Variants in CCDC7 observed in about 807,000 individuals in gnomAD.
CCDC7 encodes the protein coiled-coil domain containing 7, also known as coiled-coil domain-containing protein 7.
In CCDC7, 183 loss-of-function variants were observed where a neutral mutation model predicts 196.9. The observed-to-expected ratio is 0.93, with a 90% CI of 0.82 to 1.05. The LOEUF is 1.05. Ranked by LOEUF, CCDC7 falls within the 50% of genes least tolerant of loss-of-function variation. The pLI, the probability that CCDC7 is intolerant of heterozygous loss-of-function variation, is 0.00. For synonymous variants in CCDC7, 525 were observed against 484.6 expected (o/e 1.08, Z -1.10); for missense variants, 1,540 against 1,482.2 (o/e 1.04, Z -0.64).
exon 12 of CCDC7, chr10:32,543,315 A>G: frequency 6.9e-7 from 1 of 1,452,970 alleles, no homozygotes; most frequent in Non-Finnish European, 9.2e-7. Context: ...TAAGCCTACA[A>G]ATAATCGAAC....
At chr10:32,475,298 C>T (rs778171738) in intron 8 of CCDC7, among the ~76,000 whole-genome samples, 9 of 152,208 alleles carry the variant, frequency 5.9e-5, no homozygotes, top group African/African-American at 1.9e-4. Context: ...CTGGGGTCAT[C>T]ACAGGGCCTT....
At chr10:32,694,894 C>A (rs1304706902) in exon 24 of CCDC7, 2 of 1,592,090 alleles carry the variant, frequency 1.3e-6, no homozygotes, top group Admixed American at 1.7e-5. Flanking sequence ...GATGAAGAAC[C>A]AGGCAAAAAT....
intron 5 of CCDC7, among the ~76,000 whole-genome samples, chr10:32,463,329 C>T (rs1320247004): frequency 3.3e-5 from 5 of 151,868 alleles, no homozygotes; most frequent in African/African-American, 1.2e-4. Flanking sequence ...TTATTTTTTC[C>T]AATTTACATA....
In CCDC7 at chr10:32,664,174, ATT is replaced by A. The variant is rs1565029099; in HGVS notation, c.2122+14_2122+15del. 1 of 394,924 alleles carries A rather than the reference ATT, an allele frequency of 2.5e-6. No individual in the cohort carries two copies. Among genetic ancestry groups the A allele is most frequent in the Non-Finnish European group, 4.5e-6 (1 of 223,330 alleles). The allele number at this position is 394,924 out of a possible 1,614,324, so 24.5% of individuals were successfully genotyped here. On this transcript the variant is annotated intron_variant, in intron 21 of 41. Coordinates refer to ENST00000639629, the Ensembl canonical transcript of CCDC7. ...AATCAACTCAGTAGTAAGTGTAATA[ATT>A]GTAGATAACCTTAAAATAATTTAAG...
intron 8 of CCDC7, among the ~76,000 whole-genome samples, chr10:32,480,776 G>A (rs2039825734): frequency 6.6e-6 from 1 of 152,122 alleles, no homozygotes; most frequent in African/African-American, 2.4e-5. Context: ...CACAAGATCT[G>A]TCCTTTAGAA....
chr10:32,710,131 A>G (rs2080576841), intron 24 of CCDC7, among the ~76,000 whole-genome samples: 1 of 152,120 alleles, frequency 6.6e-6, no homozygotes. Flanking sequence ...ACTCTAAAGG[A>G]GGGGTTTTAT....
chr10:32,709,057 G>T (rs749556165), intron 24 of CCDC7, among the ~76,000 whole-genome samples: 1 of 152,112 alleles, frequency 6.6e-6, no homozygotes, highest in South Asian at 2.1e-4. Context: ...CAGTAGCAAA[G>T]CTTGGAACCA....
chr10:32,511,544 A>G (rs2046208286), intron 9 of CCDC7: 4 of 1,607,996 alleles, frequency 2.5e-6, no homozygotes, highest in Non-Finnish European at 8.5e-7. Flanking sequence ...AACCCAAAAC[A>G]TTGAATTTAA....
intron 9 of CCDC7, among the ~76,000 whole-genome samples, chr10:32,497,591 G>T (rs1033474195): frequency 6.6e-6 from 1 of 152,150 alleles, no homozygotes; most frequent in Non-Finnish European, 1.5e-5. Context: ...GGTACATTGT[G>T]TCTTTATTCT....
intron 9 of CCDC7, chr10:32,513,408 C>G (rs2046527398): frequency 6.6e-6 from 1 of 151,858 alleles, no homozygotes; most frequent in Non-Finnish European, 1.5e-5. Flanking sequence ...TTAATCCTGT[C>G]AAATATTTAA....
intron 20 of CCDC7, among the ~76,000 whole-genome samples, chr10:32,638,014 T>C (rs997803293): frequency 2.6e-5 from 4 of 152,210 alleles, no homozygotes; most frequent in Admixed American, 2.0e-4. Context: ...AATTCACTCA[T>C]GATTTGGCTC....
chr10:32,556,955 A>G (rs2054456784), intron 13 of CCDC7, among the ~76,000 whole-genome samples: 1 of 152,150 alleles, frequency 6.6e-6, no homozygotes, highest in South Asian at 2.1e-4. Flanking sequence ...CTGTTTATGG[A>G]CATGTTTCCT....
chr10:32,681,782 CA>C (rs2075893547), intron 21 of CCDC7, among the ~76,000 whole-genome samples: 1 of 146,936 alleles, frequency 6.8e-6, no homozygotes, highest in African/African-American at 2.5e-5. Context: ...CACACACACA[CA>C]CAGCTTCATA....
chr10:32,544,345 TTGCTC>T, intron 13 of CCDC7, 44 bp downstream of exon 14: 1 of 1,567,672 alleles, frequency 6.4e-7, no homozygotes, highest in Non-Finnish European at 8.7e-7. Flanking sequence ...TGATTAATAC[TTGCTC>T]TGATAGTCAT....
chr10:32,713,551 C>T (rs2081149457), intron 25 of CCDC7, among the ~76,000 whole-genome samples: 1 of 152,250 alleles, frequency 6.6e-6, no homozygotes, highest in Admixed American at 6.5e-5. Context: ...AGGAAGCAAA[C>T]TACTCAAGTC....
At chr10:32,738,476 T>C (rs1307742097) in intron 28 of CCDC7, among the ~76,000 whole-genome samples, 2 of 144,224 alleles carry the variant, frequency 1.4e-5, no homozygotes, top group African/African-American at 2.6e-5. Context: ...TCTTTCACTT[T>C]TTTTTTTTTT....
Position 32,847,832 on chromosome 10 carries a change from G to C in CCDC7, c.3689-1G>C, listed in dbSNP as rs372368826. 5 of 1,597,320 alleles carry C rather than the reference G, an allele frequency of 3.1e-6. No homozygotes were observed. The highest frequency in any genetic ancestry group is 3.4e-5 in the Admixed American group (2 of 58,448). On this transcript the variant is annotated splice_acceptor_variant, in intron 37 of 41. Transcript: ENST00000639629. LOFTEE classifies it high-confidence loss of function. ...TTTTGAAATGTGTTTTATGTCTATA[G>C]AGACTGATGTAGAACCCTTGACAAA...
intron 14 of CCDC7, among the ~76,000 whole-genome samples, chr10:32,566,147 C>T (rs901522311): frequency 2.6e-5 from 4 of 152,060 alleles, no homozygotes; most frequent in Non-Finnish European, 5.9e-5. Context: ...ATGTAAAGGA[C>T]AGAAATATGT....
chr10:32,582,018 TCTTTA>T (rs2137453413), intron 16 of CCDC7, among the ~76,000 whole-genome samples: 1 of 150,866 alleles, frequency 6.6e-6, no homozygotes, highest in South Asian at 2.1e-4. Context: ...CCAGCTATTC[TCTTTA>T]CTTTTAATAT....
Sources: allele counts gnomAD v4.1 joint callset (sites outside exome capture counted in the v4.1 genomes callset), GRCh38; gene constraint gnomAD v4.1.1; transcripts MANE v1.5; gene names NCBI Gene and HGNC (gene_info 2026-07-23, HGNC 2026-07-21).